YLPM1: variants seen among roughly 807,000 people sequenced by gnomAD.
YLPM1 encodes the protein YLP motif containing 1, also known as YLP motif-containing protein 1.
A neutral mutation model predicts 230.0 loss-of-function variants in YLPM1; 99 were observed. The observed-to-expected ratio is 0.43, with a 90% CI of 0.37 to 0.51. YLPM1 has a LOEUF of 0.51. YLPM1 is among the 20% of genes least tolerant of loss of function. The pLI is 0.00. For synonymous variants in YLPM1, 984 were observed against 942.5 expected, an observed-to-expected ratio of 1.04 and a Z score of -0.81; for missense variants, 2,592 against 2,707.7, an observed-to-expected ratio of 0.96 and a Z score of 0.95.
chr14:74,771,233 A>C (rs2090973390), intron 1 of YLPM1, among the ~76,000 whole-genome samples: 1 of 152,216 alleles, frequency 6.6e-6, no homozygotes, highest in South Asian at 2.1e-4. Flanking sequence ...TGGAAGTTAG[A>C]TATAGCTCTG....
At chr14:74,832,810 A>T (rs774528556) in intron 19 of YLPM1, among the ~76,000 whole-genome samples, 1 of 152,084 alleles carries the variant, frequency 6.6e-6, no homozygotes, top group Non-Finnish European at 1.5e-5. Context: ...TTATTCGCAA[A>T]CATACTACTC....
intron 19 of YLPM1, among the ~76,000 whole-genome samples, chr14:74,833,250 T>A (rs539210187): frequency 4.1e-4 from 62 of 152,226 alleles, no homozygotes; most frequent in Middle Eastern, 3.4e-3. Context: ...GAATTAAATT[T>A]AATTAATTAA....
At position 74,798,928 on chromosome 14, in the gene YLPM1, G is replaced by T; in HGVS notation, c.3631G>T (p.Ala1211Ser). The part of the protein sequence containing the change: ...HEEFPLDGRN[A>S]PMERERLDDW... The stretch of plus-strand genomic sequence containing the variant: ...AGAGTTTCCATTAGATGGTAGAAAT[G>T]CTCCAATGGAACGAGAAAGACTCGA... The change falls in exon 5 of 21, where the codon GCT becomes TCT. Residue 1211 changes from alanine (A) to serine (S), a missense_variant. Transcript: ENST00000325680. 6.2e-7 allele frequency: 1 copy of T among 1,613,896 alleles called. No individual in the cohort carries two copies. Among genetic ancestry groups the T allele is most frequent in the Non-Finnish European group, 8.5e-7 (1 of 1,179,848 alleles).
chr14:74,827,428 A>G (rs565777811), intron 18 of YLPM1: 4 of 985,452 alleles, frequency 4.1e-6, no homozygotes, highest in East Asian at 1.1e-4. Flanking sequence ...AACTTTAAAC[A>G]TATTTGCACA....
intron 19 of YLPM1, among the ~76,000 whole-genome samples, chr14:74,833,414 A>G (rs2091622311): frequency 6.6e-6 from 1 of 151,954 alleles, no homozygotes; most frequent in South Asian, 2.1e-4. Flanking sequence ...CACCATGCCC[A>G]GCTAATTTTT....
chr14:74,782,532 T>G (rs1394899020), intron 4 of YLPM1, among the ~76,000 whole-genome samples: 1 of 152,220 alleles, frequency 6.6e-6, no homozygotes, highest in Non-Finnish European at 1.5e-5. Flanking sequence ...TTGTCCTATA[T>G]GTAGAGATTA....
At chr14:74,823,818 A>T (rs1163588110) in intron 17 of YLPM1, among the ~76,000 whole-genome samples, 1 of 152,112 alleles carries the variant, frequency 6.6e-6, no homozygotes, top group Non-Finnish European at 1.5e-5. Flanking sequence ...ATCTTGAAGA[A>T]CACTTTTTGC....
At position 74,788,920 on chromosome 14, in the gene YLPM1, T is replaced by A. The variant is rs1357254568; in HGVS notation, c.2282+6595T>A. 5.3e-5 allele frequency among the ~76,000 whole-genome samples: 8 copies of A among 152,238 alleles called. No homozygotes were observed. The East Asian group carries it at 1.5e-3, about 29-fold the overall frequency. Reference sequence around the variant, plus strand: ...TTTTATTTCTTTAACCTTTTATTTTTAAATCAATACTCCATATAAAACTGA... The same window carrying A: ...TTTTATTTCTTTAACCTTTTATTTTAAAATCAATACTCCATATAAAACTGA... On this transcript the variant is annotated intron_variant, in intron 4 of 20. Transcript: ENST00000325680.
At chr14:74,790,202 A>G (rs112530516) in intron 4 of YLPM1, among the ~76,000 whole-genome samples, 19 of 152,298 alleles carry the variant, frequency 1.2e-4, no homozygotes, top group African/African-American at 3.6e-4. Context: ...GACTTTTTCC[A>G]TTCTATAGCT....
chr14:74,786,562 T>C (rs2091152121), intron 4 of YLPM1, among the ~76,000 whole-genome samples: 1 of 152,184 alleles, frequency 6.6e-6, no homozygotes. Context: ...TACTCATGAG[T>C]CTGGCATCTT....
intron 1 of YLPM1, among the ~76,000 whole-genome samples, chr14:74,769,259 CTTTTTTTTTTT>C (rs34023289): frequency 0.14 from 5,526 of 38,472 alleles, 450 homozygotes; most frequent in African/African-American, 0.32. Flanking sequence ...GTATTTTTAT[CTTTTTTTTTTT>C]TTTTTTTTTT....
chr14:74,809,271 C>T (rs1184310530), intron 6 of YLPM1, 109 bp from the exon 7 acceptor site: 4 of 1,430,978 alleles, frequency 2.8e-6, no homozygotes, highest in South Asian at 1.5e-5. Flanking sequence ...TGAATGAGTC[C>T]AAGGTGTTAA....
At chr14:74,829,864 T>C (rs2091594513) in intron 19 of YLPM1, among the ~76,000 whole-genome samples, 1 of 152,204 alleles carries the variant, frequency 6.6e-6, no homozygotes, top group South Asian at 2.1e-4. Flanking sequence ...TCTAATTAAG[T>C]TAGAAATATA....
At chr14:74,766,517 C>G (rs2090912692) in intron 1 of YLPM1, among the ~76,000 whole-genome samples, 1 of 152,074 alleles carries the variant, frequency 6.6e-6, no homozygotes, top group African/African-American at 2.4e-5. Context: ...GGGTCTTGCT[C>G]TGTCAGTCAC....
At position 74,807,452 on chromosome 14, in the gene YLPM1, C is replaced by T. The variant is rs76849742; in HGVS notation, c.4522-1928C>T. Among the ~76,000 whole-genome samples the T allele has an allele frequency of 3.7e-4, 56 of 152,108 alleles. No individual in the cohort carries two copies. In the East Asian group the frequency reaches 7.3e-3, roughly 20 times the overall value. ...ATCCCAGCACTTTGGGAGGCTGAAG[C>T]GAGAAGATTACTTGAGGCCTGGAGT... On this transcript the variant is annotated intron_variant, in intron 6 of 20. Transcript: ENST00000325680.
intron 16 of YLPM1, among the ~76,000 whole-genome samples, chr14:74,820,424 T>G (rs2091511924): frequency 6.6e-6 from 1 of 152,144 alleles, no homozygotes; most frequent in South Asian, 2.1e-4. Flanking sequence ...ATTTTTTATT[T>G]TTTTTTAGAG....
chr14:74,782,275 G>A lies in YLPM1; in HGVS notation c.2232G>A (p.Leu744=), dbSNP rs1475858599. The stretch of plus-strand genomic sequence containing the variant: ...ACATGCCAGTGAGATCAGGTGGCCT[G>A]CTTCCAGATCCTCCTAGAAGTAGTT... The part of the protein sequence containing the change: ...VKDMPVRSGG[L]LPDPPRSSYL... The change falls in exon 4 of 21, where the codon CTG becomes CTA. Residue 744 remains leucine (L), a synonymous_variant. Transcript: ENST00000325680. 1 of 1,573,488 alleles carries A rather than the reference G, an allele frequency of 6.4e-7. No individual in the cohort carries two copies.
chr14:74,810,246 G>A lies in YLPM1; in HGVS notation c.5054G>A (p.Arg1685His), dbSNP rs750292602. The A allele has an allele frequency of 5.6e-6, 9 of 1,613,646 alleles. No homozygotes were observed. Among genetic ancestry groups the A allele is most frequent in the East Asian group, 4.5e-5 (2 of 44,860 alleles). The change falls in exon 9 of 21, where the codon CGT becomes CAT. Residue 1685 changes from arginine (R) to histidine (H), a missense_variant. Physicochemically the swap from Arg to His is conservative, Grantham distance 29. Around this residue, in one of 4 missense-constraint regions of YLPM1, gnomAD observed 403 missense variants for 426.7 expected, o/e 0.94. Coordinates refer to ENST00000325680, the MANE Select transcript of YLPM1 (RefSeq NM_019589.3). ...FETEHAGQRD[R>H]YDRERDREPY... ...GTAGAGCATGCAGGCCAACGTGATC[G>A]TTATGATAGAGAAAGAGATCGTGAG...
chr14:74,801,917 A>G (rs1371903820), intron 5 of YLPM1, among the ~76,000 whole-genome samples: 1 of 152,148 alleles, frequency 6.6e-6, no homozygotes, highest in Non-Finnish European at 1.5e-5. Context: ...CCTCTGGTCT[A>G]AAGAGTTGAA....
Sources: allele counts gnomAD v4.1 joint callset (sites outside exome capture counted in the v4.1 genomes callset), GRCh38; gene constraint gnomAD v4.1.1; regional missense constraint gnomAD v4.1.1; transcripts MANE v1.5; gene names NCBI Gene and HGNC (gene_info 2026-07-23, HGNC 2026-07-21).